The following ADAMTS2 variants were observed in gnomAD, a reference collection of about 807,000 sequenced individuals.
ADAMTS2 encodes the protein ADAM metallopeptidase with thrombospondin type 1 motif 2.
In ADAMTS2, 50 loss-of-function variants were observed where a neutral mutation model predicts 123.0. That is an observed-to-expected ratio of 0.41 (90% CI 0.32 to 0.51). The LOEUF is 0.51. Ranked by LOEUF, ADAMTS2 falls within the 20% of genes least tolerant of loss-of-function variation. ADAMTS2 has a pLI of 0.35. For synonymous variants in ADAMTS2, 678 were observed against 695.4 expected (o/e 0.98, Z 0.39); for missense variants, 1,494 against 1,705.2 (o/e 0.88, Z 2.18).
intron 10 of ADAMTS2, among the ~76,000 whole-genome samples, chr5:179,149,664 G>C (rs946472987): frequency 2.0e-4 from 30 of 152,220 alleles, no homozygotes; most frequent in African/African-American, 7.0e-4. Context: ...TTGCTTTCCA[G>C]ATGTAAAATC....
intron 3 of ADAMTS2, among the ~76,000 whole-genome samples, chr5:179,254,350 A>G (rs1765995311): frequency 6.6e-6 from 1 of 152,152 alleles, no homozygotes; most frequent in Admixed American, 6.5e-5. Flanking sequence ...ATCCAAAGAC[A>G]CAGGGAGTAG....
intron 10 of ADAMTS2, among the ~76,000 whole-genome samples, chr5:179,141,642 C>G (rs575672289): frequency 1.3e-5 from 2 of 152,162 alleles, no homozygotes; most frequent in Admixed American, 6.5e-5. Flanking sequence ...AGCCCTCCCC[C>G]ATTCCTGCCC....
In ADAMTS2 at chr5:179,234,451, C is replaced by T. The variant is rs1048371976; in HGVS notation, c.689-26736G>A. Among the ~76,000 whole-genome samples the T allele has an allele frequency of 2.0e-5, 3 of 152,226 alleles. No individual in the cohort carries two copies. Among genetic ancestry groups the T allele is most frequent in the Admixed American group, 2.0e-4 (3 of 15,294 alleles). On this transcript the variant is annotated intron_variant, in intron 3 of 21. Coordinates refer to ENST00000251582, the MANE Select transcript of ADAMTS2 (RefSeq NM_014244.5). The surrounding 1 kb of genome is among the most constrained non-coding windows in gnomAD (Gnocchi z 4.7). ...TGTGCAGGGCTTCACCCTCGCTCTC[C>T]TCTCTGCCTGCTCCACACCTGCTGC...
Position 179,179,794 on chromosome 5 carries a change from G to A in ADAMTS2, c.975+1278C>T, listed in dbSNP as rs184785141. ...TATTCCTGGGATCCCTTCTGCCACC[G>A]GAGTCCTTCGTCATCATTTTTACAT... On this transcript the variant is annotated intron_variant, in intron 5 of 21. Coordinates refer to ENST00000251582, the MANE Select transcript of ADAMTS2 (RefSeq NM_014244.5). 7.6e-4 allele frequency among the ~76,000 whole-genome samples: 116 copies of A among 152,226 alleles called. 1 individual carries two copies. Among genetic ancestry groups the A allele is most frequent in the East Asian group, 1.5e-3 (8 of 5,178 alleles).
chr5:179,156,421 G>A (rs1763472005), intron 6 of ADAMTS2, among the ~76,000 whole-genome samples: 2 of 147,694 alleles, frequency 1.4e-5, no homozygotes, highest in South Asian at 4.3e-4. Context: ...GTGCAGTGGT[G>A]TGATCTCGGC....
chr5:179,187,559 C>G (rs1764199751), intron 4 of ADAMTS2, among the ~76,000 whole-genome samples: 2 of 152,188 alleles, frequency 1.3e-5, no homozygotes, highest in Non-Finnish European at 2.9e-5. Flanking sequence ...CCTGTGACCC[C>G]TCTCATGGGG....
rs1304964012 is a variant in ADAMTS2 at position 179,130,883 on chromosome 5, G to A, written c.2291-785C>T. 1.3e-5 allele frequency among the ~76,000 whole-genome samples: 2 copies of A among 152,150 alleles called. No individual in the cohort carries two copies. Among genetic ancestry groups the A allele is most frequent in the African/African-American group, 4.8e-5 (2 of 41,422 alleles). ...GGCCCTTGCTCCCTTTCCACAGAGA[G>A]CGACCTCAGCCCCAGAGGCGGTGGC... On this transcript the variant is annotated intron_variant, in intron 15 of 21. Transcript: ENST00000251582. The surrounding 1 kb of genome is among the most constrained non-coding windows in gnomAD (Gnocchi z 4.3).
intron 3 of ADAMTS2, among the ~76,000 whole-genome samples, chr5:179,220,507 G>A (rs1765101589): frequency 6.6e-6 from 1 of 152,126 alleles, no homozygotes; most frequent in South Asian, 2.1e-4. Context: ...CTGCCCGCAC[G>A]TGCACCTCCG....
chr5:179,128,135 G>T lies in ADAMTS2; in HGVS notation c.2458-17C>A. The T allele has an allele frequency of 1.2e-6, 2 of 1,611,952 alleles. No homozygotes were observed. The highest frequency in any genetic ancestry group is 8.5e-7 in the Non-Finnish European group (1 of 1,179,928). ...CGGGATGACCTGTGCCAGCCCAAGA[G>T]CCTTGATGTGCCTGACCTGCCCTCC... On this transcript the variant is annotated splice_polypyrimidine_tract_variant and intron_variant, in intron 16 of 21. Coordinates refer to ENST00000251582, the MANE Select transcript of ADAMTS2 (RefSeq NM_014244.5). The surrounding 1 kb of genome is among the most constrained non-coding windows in gnomAD (Gnocchi z 4.9).
intron 4 of ADAMTS2, among the ~76,000 whole-genome samples, chr5:179,204,804 G>A (rs541707146): frequency 1.3e-5 from 2 of 152,116 alleles, no homozygotes; most frequent in African/African-American, 2.4e-5. Flanking sequence ...CTGACCCTCC[G>A]CCGCCGGTCT....
rs1766191567 is a variant in ADAMTS2 at position 179,260,562 on chromosome 5, A to C, written c.688+12349T>G. On this transcript the variant is annotated intron_variant, in intron 3 of 21. Coordinates refer to ENST00000251582, the MANE Select transcript of ADAMTS2 (RefSeq NM_014244.5). This position sits in a 1 kb window ranked among gnomAD's most constrained non-coding sequence, Gnocchi z 4.2. ...GCCAGCCCAGGCTCTGAGCGGGGAC[A>C]GGAGGGCACTGCACTGGGTGTCAGC... 6.6e-6 allele frequency among the ~76,000 whole-genome samples: 1 copy of C among 152,160 alleles called. No individual in the cohort carries two copies. The highest frequency in any genetic ancestry group is 6.5e-5 in the Admixed American group (1 of 15,288).
chr5:179,190,891 T>A (rs1371782953), intron 4 of ADAMTS2, among the ~76,000 whole-genome samples: 4 of 152,260 alleles, frequency 2.6e-5, no homozygotes, highest in African/African-American at 7.2e-5. Flanking sequence ...AGCTTGCACA[T>A]GCCCCTGTGT....
chr5:179,307,670 G>A lies in ADAMTS2; in HGVS notation c.535-34606C>T, dbSNP rs1010585836. The stretch of plus-strand genomic sequence containing the variant: ...CCCCGCTGATTTCTCCTTCACTCAA[G>A]TGCCAGCCGTGGAGATCTCCTCTGT... On this transcript the variant is annotated intron_variant, in intron 2 of 21. Coordinates refer to ENST00000251582, the MANE Select transcript of ADAMTS2 (RefSeq NM_014244.5). This position sits in a 1 kb window ranked among gnomAD's most constrained non-coding sequence, Gnocchi z 5.6. 2.6e-5 allele frequency among the ~76,000 whole-genome samples: 4 copies of A among 152,076 alleles called. No individual in the cohort carries two copies. Among genetic ancestry groups the A allele is most frequent in the African/African-American group, 9.7e-5 (4 of 41,394 alleles).
rs1485266679 is a variant in ADAMTS2, at chr5:179,317,632, C to T, written c.534+26135G>A. On this transcript the variant is annotated intron_variant, in intron 2 of 21. Coordinates refer to ENST00000251582, the MANE Select transcript of ADAMTS2 (RefSeq NM_014244.5). This position sits in a 1 kb window ranked among gnomAD's most constrained non-coding sequence, Gnocchi z 4.9. ...TAATCTATGTCCCCCGGATGGCCAG[C>T]GGGCACAGAGCATATGTGTGCTGAG... Among the ~76,000 whole-genome samples, 4 of 152,194 alleles carry T rather than the reference C, an allele frequency of 2.6e-5. No homozygotes were observed. The highest frequency in any genetic ancestry group is 4.8e-5 in the African/African-American group (2 of 41,452).
At chr5:179,255,052 A>G (rs1766014992) in intron 3 of ADAMTS2, among the ~76,000 whole-genome samples, 1 of 152,114 alleles carries the variant, frequency 6.6e-6, no homozygotes, top group South Asian at 2.1e-4. Context: ...AATTGGATGG[A>G]TGGATGGGTA....
intron 2 of ADAMTS2, among the ~76,000 whole-genome samples, chr5:179,286,244 C>CT (rs1490360375): frequency 6.7e-6 from 1 of 150,052 alleles, no homozygotes; most frequent in African/African-American, 2.4e-5. Context: ...AAAAAAGACC[C>CT]TGTCGACAGG....
intron 12 of ADAMTS2, among the ~76,000 whole-genome samples, chr5:179,136,622 G>A (rs1396533417): frequency 2.8e-5 from 4 of 145,358 alleles, no homozygotes; most frequent in African/African-American, 5.2e-5. Flanking sequence ...CCAAGACTGC[G>A]CCACTGCACA....
intron 3 of ADAMTS2, among the ~76,000 whole-genome samples, chr5:179,223,645 C>T (rs1410052005): frequency 6.8e-6 from 1 of 146,132 alleles, no homozygotes; most frequent in African/African-American, 2.7e-5. Context: ...TGCACACACA[C>T]ATACACTCAC....
Position 179,129,981 on chromosome 5 carries a change from C to T in ADAMTS2, c.2408G>A (p.Arg803Gln), listed in dbSNP as rs201653110. Residue 803 changes from arginine to glutamine, a missense_variant, in exon 16 of 22, where the codon CGG becomes CAG. Coordinates refer to ENST00000251582, the MANE Select transcript of ADAMTS2 (RefSeq NM_014244.5). This position sits in a 1 kb window ranked among gnomAD's most constrained non-coding sequence, Gnocchi z 4.1. Reference sequence around the variant, plus strand: ...GGGGCCCATGGTCTGCAGCGTCTCCCGGCCGTCCTCGTCTCTGTACTCCCA... The same window carrying T: ...GGGGCCCATGGTCTGCAGCGTCTCCTGGCCGTCCTCGTCTCTGTACTCCCA... ...VEWEYRDEDGRETLQTMGPLH... is the reference protein window; with the variant it reads ...VEWEYRDEDGQETLQTMGPLH... The T allele has an allele frequency of 5.0e-6, 8 of 1,614,082 alleles. No homozygotes were observed. The highest frequency in any genetic ancestry group is 3.3e-5 in the Admixed American group (2 of 60,024).
Sources: gnomAD v4.1 joint callset for allele counts (sites outside exome capture counted in the v4.1 genomes callset) on GRCh38, gnomAD v4.1.1 for gene constraint, Gnocchi (gnomAD v3.1) non-coding constraint, MANE v1.5 for transcripts, NCBI Gene and HGNC (gene_info 2026-07-23, HGNC 2026-07-21) for gene names.